ZNF609: variants seen among roughly 807,000 people sequenced by gnomAD.
ZNF609 encodes the protein zinc finger protein 609.
Under a neutral mutation model 109.5 loss-of-function variants are expected in ZNF609, and 11 were observed. The ratio of observed to expected loss-of-function variants is 0.10; its 90% CI spans 0.06 to 0.17. The LOEUF (loss-of-function observed/expected upper bound fraction) is 0.17. ZNF609 is among the 10% of genes least tolerant of loss of function. The probability of loss-of-function intolerance (pLI) is 1.00; values close to 1 mark genes in which losing one functional copy is unlikely to be tolerated. For missense variants in ZNF609, 1,559 were observed against 1,772.4 expected, an observed-to-expected ratio of 0.88 and a Z score of 2.16; for synonymous variants, 646 against 662.0, an observed-to-expected ratio of 0.98 and a Z score of 0.37.
At position 64,577,213 on chromosome 15, in the gene ZNF609, GTA is replaced by G. The variant is rs200550648; in HGVS notation, c.748-45605_748-45604del. 2.4e-4 allele frequency among the ~76,000 whole-genome samples: 15 copies of G among 63,252 alleles called. 2 individuals are homozygous for G. Among genetic ancestry groups the G allele is most frequent in the South Asian group, 7.6e-4 (2 of 2,642 alleles). The allele number at this position is 63,252 out of a possible 152,430, so 41.5% of individuals were successfully genotyped here. ...TATATACACACAAATACATATATAT[GTA>G]TATATATACACACAAATACATACAT... On this transcript the variant is annotated intron_variant, in intron 2 of 9. Coordinates refer to ENST00000326648, the MANE Select transcript of ZNF609 (RefSeq NM_015042.2).
intron 2 of ZNF609, among the ~76,000 whole-genome samples, chr15:64,552,198 G>A (rs953630039): frequency 7.9e-5 from 12 of 152,000 alleles, no homozygotes; most frequent in African/African-American, 2.4e-4. Context: ...CATTGCTTTC[G>A]TTAATGGGTC....
intron 2 of ZNF609, among the ~76,000 whole-genome samples, chr15:64,596,214 C>T (rs759156572): frequency 2.6e-5 from 4 of 151,904 alleles, no homozygotes; most frequent in Non-Finnish European, 4.4e-5. Context: ...AGTGCAGCGG[C>T]GCGATCTCAG....
intron 3 of ZNF609, among the ~76,000 whole-genome samples, chr15:64,658,082 C>A (rs1445236100): frequency 6.6e-6 from 1 of 152,186 alleles, no homozygotes; most frequent in African/African-American, 2.4e-5. Context: ...ATAGCAGCAG[C>A]TTAGTTAACT....
At chr15:64,636,585 G>A (rs185982964) in intron 3 of ZNF609, among the ~76,000 whole-genome samples, 35 of 152,240 alleles carry the variant, frequency 2.3e-4, no homozygotes, top group African/African-American at 8.2e-4. Flanking sequence ...TTGAAATATT[G>A]TGCATATTCT....
In ZNF609 at chr15:64,560,599, G is replaced by A. The variant is rs188099848; in HGVS notation, c.747+60433G>A. Reference sequence around the variant, plus strand: ...TTTGTGCCCATCTGTGTGCATTCACGCACATGAGCATGTGTGTGGAGGAGA... The same window carrying A: ...TTTGTGCCCATCTGTGTGCATTCACACACATGAGCATGTGTGTGGAGGAGA... On this transcript the variant is annotated intron_variant, in intron 2 of 9. Transcript: ENST00000326648. Among the ~76,000 whole-genome samples the A allele has an allele frequency of 3.9e-5, 6 of 152,236 alleles. No homozygotes were observed. In the East Asian group the frequency reaches 5.8e-4, roughly 15 times the overall value.
intron 2 of ZNF609, among the ~76,000 whole-genome samples, chr15:64,595,254 G>A (rs767164853): frequency 1.3e-5 from 2 of 151,700 alleles, no homozygotes; most frequent in Non-Finnish European, 2.9e-5. Context: ...CCAGCTACTT[G>A]GGAGGCTGAG....
intron 2 of ZNF609, among the ~76,000 whole-genome samples, chr15:64,574,697 T>C (rs9806279): frequency 0.015 from 2,277 of 152,274 alleles, 17 homozygotes; most frequent in Non-Finnish European, 0.021. Context: ...TCCACATGAT[T>C]GCTCAAGTCC....
intron 2 of ZNF609, among the ~76,000 whole-genome samples, chr15:64,547,268 T>G (rs1218406110): frequency 6.6e-6 from 1 of 152,186 alleles, no homozygotes; most frequent in Non-Finnish European, 1.5e-5. Context: ...GAGATAGTCA[T>G]GGTGTTAATA....
intron 3 of ZNF609, among the ~76,000 whole-genome samples, chr15:64,651,225 C>A (rs1328350327): frequency 6.6e-6 from 1 of 152,078 alleles, no homozygotes; most frequent in Non-Finnish European, 1.5e-5. Context: ...CATGTAGTCC[C>A]AAGTAGGCAG....
intron 1 of ZNF609, among the ~76,000 whole-genome samples, chr15:64,471,814 C>T (rs946004406): frequency 6.6e-6 from 1 of 152,070 alleles, no homozygotes; most frequent in Admixed American, 6.6e-5. Flanking sequence ...AACTCCCAAA[C>T]TTAGGTGATC....
chr15:64,673,144 CT>C (rs1264104971), intron 4 of ZNF609, among the ~76,000 whole-genome samples: 2 of 152,136 alleles, frequency 1.3e-5, no homozygotes, highest in African/African-American at 4.8e-5. Context: ...CAGTAAGTAG[CT>C]TTACAGTAGA....
intron 2 of ZNF609, among the ~76,000 whole-genome samples, chr15:64,535,213 T>TAATTTTTAA (rs1359671262): frequency 6.6e-6 from 1 of 152,108 alleles, no homozygotes; most frequent in Admixed American, 6.6e-5. Flanking sequence ...CACCCCTGAT[T>TAATTTTTAA]AATTTTTAAA....
intron 3 of ZNF609, among the ~76,000 whole-genome samples, chr15:64,625,936 TAGAGAGAG>T (rs36226491): frequency 0.013 from 1,047 of 79,514 alleles, 15 homozygotes; most frequent in Middle Eastern, 0.027. Context: ...TATATATATA[TAGAGAGAG>T]AGAGAGAGAG....
chr15:64,602,889 A>ATTTTTTTTTTTT (rs10600562), intron 2 of ZNF609, among the ~76,000 whole-genome samples: 45 of 75,174 alleles, frequency 6.0e-4, no homozygotes, highest in African/African-American at 7.3e-4. Flanking sequence ...CTCTGGGCTA[A>ATTTTTTTTTTTT]TTTTTTTTTT....
chr15:64,674,090 C>T lies in ZNF609; in HGVS notation c.1236C>T (p.Gly412=). 1 of 1,614,186 alleles carries T rather than the reference C, an allele frequency of 6.2e-7. No individual in the cohort carries two copies. The highest frequency in any genetic ancestry group is 1.1e-5 in the South Asian group (1 of 91,080). Residue 412 remains glycine, a synonymous_variant, in exon 5 of 10, where the codon GGC becomes GGT. Coordinates refer to ENST00000326648, the MANE Select transcript of ZNF609 (RefSeq NM_015042.2). Reference sequence around the variant, plus strand: ...GAGCCAATAGCAAAGGCCGTCGGGGCAGCCAGAATTCTTCAGAGCACCGCC... The same window carrying T: ...GAGCCAATAGCAAAGGCCGTCGGGGTAGCCAGAATTCTTCAGAGCACCGCC... ...RAGANSKGRR[G]SQNSSEHRPP...
intron 1 of ZNF609, among the ~76,000 whole-genome samples, chr15:64,491,726 T>C (rs1893415951): frequency 6.6e-6 from 1 of 151,934 alleles, no homozygotes. Flanking sequence ...GCCCCTCCAA[T>C]CCCAGCTACT....
intron 3 of ZNF609, among the ~76,000 whole-genome samples, chr15:64,642,718 T>C (rs28404388): frequency 0.13 from 19,602 of 152,184 alleles, 2,606 homozygotes; most frequent in African/African-American, 0.34. Flanking sequence ...CTCTCGAATC[T>C]GGGAGATCGA....
intron 3 of ZNF609, among the ~76,000 whole-genome samples, chr15:64,646,766 C>G (rs1285190495): frequency 6.6e-6 from 1 of 151,134 alleles, no homozygotes; most frequent in Non-Finnish European, 1.5e-5. Flanking sequence ...TGGTGAAACC[C>G]CATCTCTACT....
intron 2 of ZNF609, among the ~76,000 whole-genome samples, chr15:64,571,279 A>G (rs1488923584): frequency 1.3e-5 from 2 of 152,170 alleles, no homozygotes; most frequent in East Asian, 1.9e-4. Flanking sequence ...AGAAGAGCTA[A>G]TAATACTGCC....
Sources: gnomAD v4.1 joint callset for allele counts (sites outside exome capture counted in the v4.1 genomes callset) on GRCh38, gnomAD v4.1.1 for gene constraint, MANE v1.5 for transcripts, NCBI Gene and HGNC (gene_info 2026-07-23, HGNC 2026-07-21) for gene names.